The following KLHL13 variants were observed in gnomAD, a reference collection of about 807,000 sequenced individuals.
KLHL13 encodes the protein kelch like family member 13.
KLHL13 carries 10 observed loss-of-function variants against 37.1 expected under a neutral mutation model. The observed-to-expected ratio is 0.27, with a 90% CI of 0.17 to 0.46. KLHL13 has a LOEUF of 0.46. KLHL13 is among the 20% of genes least tolerant of loss of function. The pLI is 1.00. For missense variants in KLHL13, 360 were observed against 509.3 expected, an observed-to-expected ratio of 0.71 and a Z score of 2.82; for synonymous variants, 163 against 181.2, an observed-to-expected ratio of 0.90 and a Z score of 0.81.
intron 1 of KLHL13, among the ~76,000 whole-genome samples, chrX:118,029,633 T>C (rs1043198742): frequency 1.3e-4 from 15 of 112,288 alleles, no homozygotes; most frequent in Non-Finnish European, 2.3e-4. Flanking sequence ...ATTTATTACA[T>C]TGGGAAAATA....
At chrX:118,011,326 G>A (rs1028942537) in intron 1 of KLHL13, among the ~76,000 whole-genome samples, 2 of 109,363 alleles carry the variant, frequency 1.8e-5, no homozygotes, top group Non-Finnish European at 3.8e-5. Context: ...AGGTAGACAG[G>A]AGCCATATAA....
chrX:117,904,742 A>G (rs1260446008), intron 5 of KLHL13, among the ~76,000 whole-genome samples: 1 of 111,719 alleles, frequency 9.0e-6, no homozygotes, highest in African/African-American at 3.3e-5. Flanking sequence ...TTGCTTTTAC[A>G]CTACAACAGC....
exon 1 of KLHL13, chrX:117,973,028 A>G: frequency 1.9e-6 from 2 of 1,053,948 alleles, no homozygotes; most frequent in South Asian, 2.7e-5. Context: ...TCTGTCCCCT[A>G]AAGCAATATG....
chrX:117,898,683 C>A, exon 7 of KLHL13: 1 of 357,832 alleles, frequency 2.8e-6, no homozygotes. Flanking sequence ...ATATGTTAAA[C>A]ATCAGCTTCT....
rs1400688037 is a variant in KLHL13 at position 117,973,255 on chromosome X, T to C, written c.-427A>G. ...ACCTATTAACCTGATTTCTGACCAA[T>C]AGTAGCAAGAAAAAACATAGATGGG... On this transcript the variant is annotated 5_prime_UTR_variant, in exon 1 of 7. Coordinates refer to ENST00000262820, the Ensembl canonical transcript of KLHL13. 3.1e-6 allele frequency: 3 copies of C among 966,449 alleles called. No homozygotes were observed. The African/African-American group carries it at 6.1e-5, about 19-fold the overall frequency. The allele number at this position is 966,449 out of a possible 1,213,427, so 79.6% of individuals were successfully genotyped here.
chrX:117,938,599 A>G (rs1358674209), intron 2 of KLHL13, among the ~76,000 whole-genome samples: 1 of 111,735 alleles, frequency 8.9e-6, no homozygotes, highest in African/African-American at 3.3e-5. Context: ...ACTGCACTAC[A>G]GTGGCAATCA....
chrX:117,926,531 A>G (rs1214852661), intron 2 of KLHL13, among the ~76,000 whole-genome samples: 1 of 111,471 alleles, frequency 9.0e-6, no homozygotes, highest in African/African-American at 3.3e-5. Flanking sequence ...TATTCAAACC[A>G]TGAGTGGAAA....
intron 1 of KLHL13, among the ~76,000 whole-genome samples, chrX:118,056,658 T>C (rs2054688239): frequency 8.9e-6 from 1 of 111,926 alleles, no homozygotes; most frequent in African/African-American, 3.2e-5. Context: ...TTTCTCTTGA[T>C]TAGACCCTGG....
rs2055238266 is a variant in KLHL13, at chrX:118,098,328, T to C, written c.-56+18180A>G. 2.7e-5 allele frequency among the ~76,000 whole-genome samples: 3 copies of C among 112,025 alleles called. No individual in the cohort carries two copies. The South Asian group carries it at 1.1e-3, about 42-fold the overall frequency. ...AGCCAAAGGACACATGAAAAAATGC[T>C]CATCATCACTGGCCATCAGAGAAAT... On this transcript the variant is annotated intron_variant, in intron 1 of 6. Coordinates refer to the KLHL13 transcript ENST00000371882.
At chrX:118,064,775 A>ATATTTGCTAGC (rs1181852713) in intron 1 of KLHL13, among the ~76,000 whole-genome samples, 2 of 111,820 alleles carry the variant, frequency 1.8e-5, no homozygotes, top group Non-Finnish European at 3.8e-5. Context: ...GCCTCACTAC[A>ATATTTGCTAGC]TATTTGCTAG....
chrX:118,048,988 A>C (rs2054588156), intron 1 of KLHL13, among the ~76,000 whole-genome samples: 1 of 112,107 alleles, frequency 8.9e-6, no homozygotes, highest in South Asian at 3.7e-4. Context: ...AATATTTCTC[A>C]AGCACCTATC....
rs184019500 is a variant in KLHL13 at position 118,022,023 on chromosome X, A to G, written c.-55-76448T>C. Among the ~76,000 whole-genome samples the G allele has an allele frequency of 1.7e-4, 19 of 112,185 alleles. No homozygotes were observed. The East Asian group carries it at 4.8e-3, about 28-fold the overall frequency. Reference sequence around the variant, plus strand: ...ATTTTTTCATGTGTCTGTTGGCTGCATAAATGTCTTCTTTTGAGAAGTGTC... The same window carrying G: ...ATTTTTTCATGTGTCTGTTGGCTGCGTAAATGTCTTCTTTTGAGAAGTGTC... On this transcript the variant is annotated intron_variant, in intron 1 of 6. Coordinates refer to the KLHL13 transcript ENST00000371882.
chrX:118,083,423 T>G (rs2055018752), intron 1 of KLHL13, among the ~76,000 whole-genome samples: 2 of 111,553 alleles, frequency 1.8e-5, no homozygotes, highest in Non-Finnish European at 3.8e-5. Context: ...AACCTGTCAT[T>G]TGTGACAAAA....
intron 1 of KLHL13, among the ~76,000 whole-genome samples, chrX:118,114,754 C>T (rs6645451): frequency 0.017 from 1,930 of 112,098 alleles, 43 homozygotes; most frequent in African/African-American, 0.057. Context: ...AGCAATAGGC[C>T]TTACTTTTCT....
chrX:117,954,064 G>A (rs1882188714), intron 1 of KLHL13, among the ~76,000 whole-genome samples: 1 of 111,458 alleles, frequency 9.0e-6, no homozygotes, highest in African/African-American at 3.3e-5. Context: ...CTATGACGTA[G>A]ATAAGGGAAT....
intron 1 of KLHL13, 101 bp downstream of exon 2, chrX:118,028,323 C>T: frequency 2.0e-6 from 1 of 507,778 alleles, no homozygotes; most frequent in Non-Finnish European, 3.3e-6. Context: ...TAAATACTTA[C>T]TTTATACCAA....
In KLHL13 at chrX:118,075,505, G is replaced by A. The variant is rs755156471; in HGVS notation, c.-56+41003C>T. Among the ~76,000 whole-genome samples the A allele has an allele frequency of 9.9e-5, 11 of 111,370 alleles. No individual in the cohort carries two copies. In the Admixed American group the frequency reaches 1.1e-3, roughly 11 times the overall value. On this transcript the variant is annotated intron_variant, in intron 1 of 6. Coordinates refer to the KLHL13 transcript ENST00000371882. ...TGAACTAAGAAAAAAGAGAGAGGAA[G>A]GATTAATTGAAAGCTATTGAATGGT...
chrX:118,061,867 G>A (rs190321591), intron 1 of KLHL13, among the ~76,000 whole-genome samples: 1,606 of 111,292 alleles, frequency 0.014, 16 homozygotes, highest in African/African-American at 0.031. Flanking sequence ...TTCAAATTAC[G>A]AAATTCTATG....
chrX:117,949,767 T>C (rs925956095), intron 1 of KLHL13, among the ~76,000 whole-genome samples: 4 of 112,283 alleles, frequency 3.6e-5, no homozygotes, highest in Admixed American at 9.4e-5. Flanking sequence ...AACCCAGGTG[T>C]GGTCAAATTT....
Sources: gnomAD v4.1 joint callset for allele counts (sites outside exome capture counted in the v4.1 genomes callset) on GRCh38, gnomAD v4.1.1 for gene constraint, MANE v1.5 for transcripts, NCBI Gene and HGNC (gene_info 2026-07-23, HGNC 2026-07-21) for gene names.